The following UBE2V2 variants were observed in gnomAD, a reference collection of about 807,000 sequenced individuals.
UBE2V2 encodes ubiquitin conjugating enzyme E2 V2.
Under a neutral mutation model 17.2 loss-of-function variants are expected in UBE2V2, and 9 were observed. The ratio of observed to expected loss-of-function variants is 0.52; its 90% confidence interval spans 0.32 to 0.91. UBE2V2 has a LOEUF of 0.91. UBE2V2 is among the 40% of genes least tolerant of loss of function. The pLI, the probability that UBE2V2 is intolerant of heterozygous loss-of-function variation, is 0.04. For synonymous variants in UBE2V2, 61 were observed against 57.5 expected, an observed-to-expected ratio of 1.06 and a Z score of -0.28; for missense variants, 133 against 182.6, an observed-to-expected ratio of 0.73 and a Z score of 1.56.
chr8:48,032,782 A>C (rs1339774811), intron 1 of UBE2V2, among the ~76,000 whole-genome samples: 5 of 152,122 alleles, frequency 3.3e-5, no homozygotes, highest in Non-Finnish European at 7.4e-5. Flanking sequence ...TTTGATGTCA[A>C]TAATTGTGTA....
In UBE2V2 at chr8:48,020,943, T is replaced by A. The variant is rs1414614847; in HGVS notation, c.16+12473T>A. On this transcript the variant is annotated intron_variant, in intron 1 of 3. Transcript: ENST00000523111. ...TTTAATTTTTGTAGAGACAACGTCT[T>A]GCTATATTGCCCAGGCTAGCTTTGA... Among the ~76,000 whole-genome samples the A allele has an allele frequency of 2.0e-5, 3 of 151,610 alleles. No homozygotes were observed. In the East Asian group the frequency reaches 5.8e-4, roughly 29 times the overall value.
rs936969780 is a variant in UBE2V2 at position 48,024,651 on chromosome 8, G to A, written c.16+16181G>A. Among the ~76,000 whole-genome samples the A allele has an allele frequency of 5.3e-5, 8 of 151,644 alleles. 1 individual carries two copies. The highest frequency in any genetic ancestry group is 7.3e-5 in the African/African-American group (3 of 41,296). Reference sequence around the variant, plus strand: ...GCTTCTGTATCACACTGTATCCTACGTATGCCTTGGTTGCTTTTATTTCCT... The same window carrying A: ...GCTTCTGTATCACACTGTATCCTACATATGCCTTGGTTGCTTTTATTTCCT... On this transcript the variant is annotated intron_variant, in intron 1 of 3. Coordinates refer to ENST00000523111, the MANE Select transcript of UBE2V2 (RefSeq NM_003350.3).
chr8:48,020,808 T>G (rs908368238), intron 1 of UBE2V2, among the ~76,000 whole-genome samples: 8 of 152,082 alleles, frequency 5.3e-5, no homozygotes, highest in Non-Finnish European at 1.0e-4. Context: ...CTTGCCATGT[T>G]GCGCAAGCGG....
intron 3 of UBE2V2, 108 bp from the exon 4 acceptor site, chr8:48,060,574 A>C (rs1312649527): frequency 7.7e-6 from 8 of 1,038,780 alleles, no homozygotes; most frequent in Non-Finnish European, 2.6e-6. Flanking sequence ...GTGAAAATAG[A>C]GGCAAGCTAT....
chr8:48,047,473 C>G (rs529405815), intron 2 of UBE2V2, among the ~76,000 whole-genome samples: 4 of 151,986 alleles, frequency 2.6e-5, no homozygotes, highest in Non-Finnish European at 4.4e-5. Flanking sequence ...TACCTGAGTA[C>G]TTGACTTAGT....
intron 1 of UBE2V2, among the ~76,000 whole-genome samples, chr8:48,011,684 C>T (rs1306754495): frequency 1.3e-5 from 2 of 152,146 alleles, no homozygotes; most frequent in Non-Finnish European, 2.9e-5. Flanking sequence ...CGGAGTCTTG[C>T]TGTGTTGCCC....
chr8:48,034,102 T>G (rs1274856644), intron 1 of UBE2V2, among the ~76,000 whole-genome samples: 3 of 151,340 alleles, frequency 2.0e-5, no homozygotes, highest in African/African-American at 4.9e-5. Context: ...TATTCTGTCT[T>G]AATATTTGAC....
intron 1 of UBE2V2, among the ~76,000 whole-genome samples, chr8:48,040,990 G>C (rs1425110739): frequency 6.7e-6 from 1 of 148,302 alleles, no homozygotes; most frequent in Non-Finnish European, 1.5e-5. Flanking sequence ...TCAGCCTCCC[G>C]AGTAGCTGGG....
chr8:48,044,759 A>G (rs1344176480), intron 2 of UBE2V2, among the ~76,000 whole-genome samples: 1 of 152,156 alleles, frequency 6.6e-6, no homozygotes, highest in African/African-American at 2.4e-5. Context: ...AGCGCTTATA[A>G]TTGATGAACA....
chr8:48,030,977 G>T (rs1278029068), intron 1 of UBE2V2, among the ~76,000 whole-genome samples: 1 of 152,178 alleles, frequency 6.6e-6, no homozygotes, highest in Admixed American at 6.6e-5. Context: ...AGCTGAGATT[G>T]CACCATTGCC....
upstream of UBE2V2, among the ~76,000 whole-genome samples, chr8:48,003,627 TA>T (rs1334002035): frequency 1.2e-4 from 18 of 152,252 alleles, no homozygotes; most frequent in East Asian, 2.7e-3. Flanking sequence ...CTCTGAGGGT[TA>T]AAAAGTCAAG....
At chr8:48,000,445 C>A in the UBE2V2 span, among the ~76,000 whole-genome samples, 1 of 152,154 alleles carries the variant, frequency 6.6e-6, no homozygotes, top group Non-Finnish European at 1.5e-5. Context: ...CCTTTTCAAA[C>A]CTAAACTGTT....
At chr8:48,021,845 G>A (rs1362671718) in intron 1 of UBE2V2, among the ~76,000 whole-genome samples, 1 of 150,306 alleles carries the variant, frequency 6.7e-6, no homozygotes, top group African/African-American at 2.5e-5. Context: ...GCGCCACCAT[G>A]TCTGGCTAAT....
intron 3 of UBE2V2, among the ~76,000 whole-genome samples, chr8:48,059,700 C>T (rs1215625539): frequency 2.0e-5 from 3 of 152,158 alleles, no homozygotes; most frequent in African/African-American, 4.8e-5. Context: ...CGTGAGCCAC[C>T]GCATCCGGCC....
intron 1 of UBE2V2, among the ~76,000 whole-genome samples, chr8:48,010,127 G>T (rs1008688858): frequency 6.6e-6 from 1 of 152,062 alleles, no homozygotes; most frequent in Non-Finnish European, 1.5e-5. Flanking sequence ...AAGGTTAGAT[G>T]ATATTAATGG....
chr8:48,003,233 A>G, the UBE2V2 span, among the ~76,000 whole-genome samples: 99 of 150,714 alleles, frequency 6.6e-4, no homozygotes, highest in Middle Eastern at 3.4e-3. Flanking sequence ...AAAAAAAAAG[A>G]GAGAATTTAG....
At chr8:48,035,616 A>C in intron 1 of UBE2V2, among the ~76,000 whole-genome samples, 1 of 37,830 alleles carries the variant, frequency 2.6e-5, no homozygotes, top group African/African-American at 1.0e-4. Flanking sequence ...TTTAAAAATT[A>C]TTGTTTTTTT....
chr8:48,053,993 T>C (rs1231590364), intron 3 of UBE2V2, among the ~76,000 whole-genome samples: 3 of 151,082 alleles, frequency 2.0e-5, no homozygotes, highest in African/African-American at 7.3e-5. Context: ...TTAGTAGAGA[T>C]GGGGTTTCAC....
chr8:48,058,417 A>G (rs1397816689), intron 3 of UBE2V2, among the ~76,000 whole-genome samples: 1 of 151,594 alleles, frequency 6.6e-6, no homozygotes, highest in Non-Finnish European at 1.5e-5. Context: ...GCAGTGAGTG[A>G]AAGTAGCCGG....
Sources: gnomAD v4.1 joint callset for allele counts (sites outside exome capture counted in the v4.1 genomes callset) on GRCh38, gnomAD v4.1.1 for gene constraint, MANE v1.5 for transcripts, NCBI Gene and HGNC (gene_info 2026-07-23, HGNC 2026-07-21) for gene names.